Variants in DLX5 observed in about 807,000 individuals in gnomAD.
DLX5 encodes the protein homeobox protein DLX-5.
DLX5 carries 8 observed loss-of-function variants against 27.1 expected under a neutral mutation model. That is an observed-to-expected ratio of 0.30 (90% CI 0.17 to 0.53). The LOEUF (loss-of-function observed/expected upper bound fraction) is 0.53. DLX5 is among the 20% of genes least tolerant of loss of function. The pLI is 0.95. For synonymous variants in DLX5, 178 were observed against 161.9 expected, an observed-to-expected ratio of 1.10 and a Z score of -0.75; for missense variants, 339 against 375.1, an observed-to-expected ratio of 0.90 and a Z score of 0.80.
intron 2 of DLX5, 163 bp downstream of exon 2, chr7:97,022,022 A>C: frequency 1.3e-6 from 1 of 794,136 alleles, no homozygotes; most frequent in Non-Finnish European, 2.1e-6. Flanking sequence ...CCACCGTCTC[A>C]AGGCCTGACT....
intron 1 of DLX5, 54 bp from the exon 2 acceptor site, chr7:97,022,423 T>C: frequency 6.2e-7 from 1 of 1,603,380 alleles, no homozygotes; most frequent in East Asian, 2.2e-5. Flanking sequence ...ATGCCCCTTT[T>C]GCGGAAGGGC....
At chr7:97,023,903 A>G (rs2115917271) in intron 1 of DLX5, among the ~76,000 whole-genome samples, 1 of 151,792 alleles carries the variant, frequency 6.6e-6, no homozygotes, top group Non-Finnish European at 1.5e-5. Context: ...CAAAATTCCC[A>G]AGTAACCTTC....
At position 97,020,528 on chromosome 7, in the gene DLX5, T is replaced by C; in HGVS notation, c.*208A>G. On this transcript the variant is annotated 3_prime_UTR_variant, in exon 3 of 3. Transcript: ENST00000648378. ...TGAGGTCATAGATTTCAAGGCACCA[T>C]TGAAAGTGTCCACAGTTGCGCAAAA... The C allele has an allele frequency of 4.3e-6, 2 of 459,918 alleles. No individual in the cohort carries two copies. The highest frequency in any genetic ancestry group is 7.6e-6 in the Non-Finnish European group (2 of 264,800). 28.5% of individuals were successfully genotyped at this position (459,918 alleles called of 1,614,324 possible).
At chr7:97,022,685 C>A (rs1025717752) in intron 1 of DLX5, 2 of 751,148 alleles carry the variant, frequency 2.7e-6, no homozygotes, top group Admixed American at 6.3e-5. Flanking sequence ...CTTGTTTTTA[C>A]GCCCACCCTG....
At position 97,024,501 on chromosome 7, in the gene DLX5, T is replaced by C; in HGVS notation, c.123A>G (p.Ser41=). The C allele has an allele frequency of 1.2e-6, 2 of 1,614,244 alleles. No individual in the cohort carries two copies. Among genetic ancestry groups the C allele is most frequent in the Non-Finnish European group, 1.7e-6 (2 of 1,180,038 alleles). The stretch of plus-strand genomic sequence containing the variant: ...GGCTGTAGTAGTCAGAATCGGTAGC[T>C]GAAGACTCGGGCAAAGTTGGCGATT... ...SQESPTLPES[S]ATDSDYYSPT... is the part of the protein sequence containing the mutation. The change falls in exon 1 of 3, where the codon TCA becomes TCG. Residue 41 remains serine (S), a synonymous_variant. Coordinates refer to ENST00000648378, the MANE Select transcript of DLX5 (RefSeq NM_005221.6). This position sits in a 1 kb window ranked among gnomAD's most constrained non-coding sequence, Gnocchi z 4.6.
At chr7:97,022,138 A>G in intron 2 of DLX5, 47 bp downstream of exon 2, 1 of 1,611,510 alleles carries the variant, frequency 6.2e-7, no homozygotes, top group Non-Finnish European at 8.5e-7. Flanking sequence ...CGACCCAACC[A>G]GACGTGCAGC....
rs527963896 is a variant in DLX5 at position 97,021,962 on chromosome 7, G to C, written c.540+223C>G. The C allele has an allele frequency of 3.5e-5, 22 of 620,554 alleles. No homozygotes were observed. In the East Asian group the frequency reaches 6.0e-4, roughly 17 times the overall value. The allele number at this position is 620,554 out of a possible 1,614,324, so 38.4% of individuals were successfully genotyped here. Reference sequence around the variant, plus strand: ...GGAGGCCCGCTACGGGGTGGGGGCGGGGGGCGCGGTTAGTGGGAGGTATCT... The same window carrying C: ...GGAGGCCCGCTACGGGGTGGGGGCGCGGGGCGCGGTTAGTGGGAGGTATCT... On this transcript the variant is annotated intron_variant, in intron 2 of 2. Coordinates refer to ENST00000648378, the MANE Select transcript of DLX5 (RefSeq NM_005221.6).
At chr7:97,022,675 C>T in intron 1 of DLX5, 1 of 836,430 alleles carries the variant, frequency 1.2e-6, no homozygotes, top group Non-Finnish European at 1.4e-6. Context: ...TTCTCCCGGA[C>T]TTGTTTTTAC....
At position 97,023,337 on chromosome 7, in the gene DLX5, GGTGTGTGTGTGT is replaced by G. The variant is rs10525881; in HGVS notation, c.355+920_355+931del. On this transcript the variant is annotated intron_variant, in intron 1 of 2. Coordinates refer to ENST00000648378, the MANE Select transcript of DLX5 (RefSeq NM_005221.6). ...TGGAACTGACGGAGAACCTCTCCAGGGTGTGTGTGTGTGTGTGTGTGTGTGTGTGTGTGTGTG... is the reference window on the plus strand; with the variant it reads ...TGGAACTGACGGAGAACCTCTCCAGGGTGTGTGTGTGTGTGTGTGTGTGTG... Among the ~76,000 whole-genome samples, 114 of 145,508 alleles carry G rather than the reference GGTGTGTGTGTGT, an allele frequency of 7.8e-4. 1 individual carries two copies. The highest frequency in any genetic ancestry group is 5.1e-3 in the Admixed American group (75 of 14,656).
rs751602574 is a variant in DLX5 at position 97,020,727 on chromosome 7, G to A, written c.*9C>T. On this transcript the variant is annotated 3_prime_UTR_variant, in exon 3 of 3. Coordinates refer to ENST00000648378, the MANE Select transcript of DLX5 (RefSeq NM_005221.6). ...GTCCCAAAAAAGAGAGTAAGAGAGA[G>A]CAGCCCATCTAATAGAGTGTCCCGG... 6.4e-7 allele frequency: 1 copy of A among 1,552,846 alleles called. No individual in the cohort carries two copies. Among genetic ancestry groups the A allele is most frequent in the South Asian group, 1.2e-5 (1 of 82,824 alleles).
At chr7:97,023,344 G>A (rs928550790) in intron 1 of DLX5, among the ~76,000 whole-genome samples, 1 of 124,388 alleles carries the variant, frequency 8.0e-6, no homozygotes, top group East Asian at 2.8e-4. Flanking sequence ...CAGGGTGTGT[G>A]TGTGTGTGTG....
intron 1 of DLX5, chr7:97,022,746 C>G (rs1490104332): frequency 2.3e-5 from 6 of 260,034 alleles, no homozygotes; most frequent in Non-Finnish European, 3.0e-5. Flanking sequence ...ACCAGCCCCT[C>G]CCCAGGCTTC....
chr7:97,024,281 T>C lies in DLX5; in HGVS notation c.343A>G (p.Thr115Ala). The C allele has an allele frequency of 6.2e-7, 1 of 1,613,348 alleles. No individual in the cohort carries two copies. The highest frequency in any genetic ancestry group is 1.1e-5 in the South Asian group (1 of 91,024). ...GGAYNRVPSA[T>A]NQPEKEVTEP... ...CCTGTCCATGTACCTGGCTGGTTGG[T>C]GGCGCTTGGGACGCGGTTGTAGGCG... The change falls in exon 1 of 3, where the codon ACC becomes GCC. Residue 115 changes from threonine (T) to alanine (A), a missense_variant. Around this residue, in one of 3 missense-constraint regions of DLX5, gnomAD observed 188 missense variants for 206.1 expected, o/e 0.91. Transcript: ENST00000648378. The surrounding 1 kb of genome is among the most constrained non-coding windows in gnomAD (Gnocchi z 4.6).
intron 2 of DLX5, among the ~76,000 whole-genome samples, chr7:97,021,459 G>A (rs964859313): frequency 2.0e-5 from 3 of 152,238 alleles, no homozygotes; most frequent in African/African-American, 7.2e-5. Flanking sequence ...GGCGGGGAAG[G>A]GGCGTGGGGC....
chr7:97,020,728 C>A lies in DLX5; in HGVS notation c.*8G>T. 6.4e-7 allele frequency: 1 copy of A among 1,552,872 alleles called. No homozygotes were observed. Among genetic ancestry groups the A allele is most frequent in the Non-Finnish European group, 8.7e-7 (1 of 1,146,116 alleles). ...TCCCAAAAAAGAGAGTAAGAGAGAG[C>A]AGCCCATCTAATAGAGTGTCCCGGA... is the stretch of plus-strand genomic sequence containing the variant. On this transcript the variant is annotated 3_prime_UTR_variant, in exon 3 of 3. Transcript: ENST00000648378.
In DLX5 at chr7:97,024,761, G is replaced by C; in HGVS notation, c.-138C>G. 1 of 766,744 alleles carries C rather than the reference G, an allele frequency of 1.3e-6. No individual in the cohort carries two copies. The highest frequency in any genetic ancestry group is 2.6e-5 in the East Asian group (1 of 38,112). 47.5% of individuals were successfully genotyped at this position (766,744 alleles called of 1,614,324 possible). Reference sequence around the variant, plus strand: ...AGGAGGAAGAGGAGGAGGAGAGAAGGAGGAGGCGGCGGCCGCGGCGAGGAG... The same window carrying C: ...AGGAGGAAGAGGAGGAGGAGAGAAGCAGGAGGCGGCGGCCGCGGCGAGGAG... On this transcript the variant is annotated 5_prime_UTR_variant, in exon 1 of 3. Coordinates refer to ENST00000648378, the MANE Select transcript of DLX5 (RefSeq NM_005221.6). This position sits in a 1 kb window ranked among gnomAD's most constrained non-coding sequence, Gnocchi z 4.6.
chr7:97,024,097 T>A lies in DLX5; in HGVS notation c.355+172A>T, dbSNP rs1790133307. On this transcript the variant is annotated intron_variant, in intron 1 of 2. Coordinates refer to ENST00000648378, the MANE Select transcript of DLX5 (RefSeq NM_005221.6). The surrounding 1 kb of genome is among the most constrained non-coding windows in gnomAD (Gnocchi z 4.6). ...ACAGGGCTCTCCTACTAAAAATCCC[T>A]AAAATGCTGGCCCGAGAAACTCTCT... Among the ~76,000 whole-genome samples, 1 of 152,236 alleles carries A rather than the reference T, an allele frequency of 6.6e-6. No individual in the cohort carries two copies. The highest frequency in any genetic ancestry group is 1.5e-5 in the Non-Finnish European group (1 of 68,020).
chr7:97,020,805 G>C lies in DLX5; in HGVS notation c.801C>G (p.Ile267Met). ...AGCCCGGCGGCGGCAGGTGGGAATT[G>C]ATTGAGCTGGCTGCACTTGTGTACC... is the stretch of plus-strand genomic sequence containing the variant. The part of the protein sequence containing the change: ...ASWYTSAASS[I>M]NSHLPPPGSL... The change falls in exon 3 of 3, where the codon ATC (isoleucine) becomes ATG (methionine). Residue 267 changes from isoleucine to methionine, a missense_variant. By Grantham distance (10) the Ile-to-Met change is conservative (BLOSUM62 1). Transcript: ENST00000648378. The C allele has an allele frequency of 6.2e-7, 1 of 1,612,842 alleles. No individual in the cohort carries two copies. Among genetic ancestry groups the C allele is most frequent in the Non-Finnish European group, 8.5e-7 (1 of 1,179,074 alleles).
Position 97,022,682 on chromosome 7 carries a change from T to C in DLX5, c.356-313A>G, listed in dbSNP as rs993116660. On this transcript the variant is annotated intron_variant, in intron 1 of 2. Transcript: ENST00000648378. The stretch of plus-strand genomic sequence containing the variant: ...GTTGCTTCTTCTCCCGGACTTGTTT[T>C]TACGCCCACCCTGTGCTCCTCCGCG... 3.9e-6 allele frequency: 3 copies of C among 774,024 alleles called. No individual in the cohort carries two copies. In the South Asian group the frequency reaches 1.8e-4, roughly 45 times the overall value. The allele number at this position is 774,024 out of a possible 1,614,324, so 47.9% of individuals were successfully genotyped here.
Sources: gnomAD v4.1 joint callset for allele counts (sites outside exome capture counted in the v4.1 genomes callset) on GRCh38, gnomAD v4.1.1 for gene constraint, gnomAD v4.1.1 regional missense constraint, Gnocchi (gnomAD v3.1) non-coding constraint, MANE v1.5 for transcripts, NCBI Gene and HGNC (gene_info 2026-07-23, HGNC 2026-07-21) for gene names.